HDX: variants seen among roughly 807,000 people sequenced by gnomAD.
HDX encodes the protein chromosome X open reading frame 43.
Under a neutral mutation model 45.2 loss-of-function variants are expected in HDX, and 19 were observed. The observed-to-expected ratio is 0.42, with a 90% CI of 0.29 to 0.62. HDX has a LOEUF of 0.62. Ranked by LOEUF, HDX falls within the 20% of genes least tolerant of loss-of-function variation. The pLI, the probability that HDX is intolerant of heterozygous loss-of-function variation, is 0.20. For missense variants in HDX, 532 were observed against 493.9 expected (o/e 1.08, Z -0.73); for synonymous variants, 188 against 172.8 (o/e 1.09, Z -0.69).
At chrX:84,399,911 C>T (rs1029645195) in intron 5 of HDX, among the ~76,000 whole-genome samples, 1 of 111,487 alleles carries the variant, frequency 9.0e-6, no homozygotes, top group Admixed American at 9.6e-5. Flanking sequence ...GTTCAACATA[C>T]ACAAATCAAT....
chrX:84,420,851 G>A (rs974105997), intron 5 of HDX, among the ~76,000 whole-genome samples: 4 of 111,442 alleles, frequency 3.6e-5, no homozygotes, highest in Non-Finnish European at 5.7e-5. Flanking sequence ...TACCTACAGC[G>A]CTGAAGGAAA....
intron 5 of HDX, among the ~76,000 whole-genome samples, chrX:84,415,647 G>GTTTT (rs2039086177): frequency 8.9e-6 from 1 of 111,946 alleles, no homozygotes; most frequent in African/African-American, 3.2e-5. Flanking sequence ...GTTTTGTTTT[G>GTTTT]TTTTGTTTTT....
At chrX:84,400,236 G>C (rs758494638) in intron 5 of HDX, among the ~76,000 whole-genome samples, 2 of 109,496 alleles carry the variant, frequency 1.8e-5, no homozygotes, top group East Asian at 5.8e-4. Flanking sequence ...AAAAATAAAG[G>C]GCATTCAAAT....
At chrX:84,438,699 C>T (rs2039692601) in intron 5 of HDX, among the ~76,000 whole-genome samples, 1 of 111,126 alleles carries the variant, frequency 9.0e-6, no homozygotes, top group Non-Finnish European at 1.9e-5. Context: ...CCAGCTGCAT[C>T]TATGTTGCTG....
chrX:84,453,730 A>G (rs938971887), intron 4 of HDX, among the ~76,000 whole-genome samples: 3 of 111,931 alleles, frequency 2.7e-5, no homozygotes, highest in Non-Finnish European at 3.8e-5. Context: ...ACCTAGTGAG[A>G]CAACAGCCAG....
At chrX:84,346,903 G>C (rs2037219047) in intron 6 of HDX, among the ~76,000 whole-genome samples, 1 of 110,895 alleles carries the variant, frequency 9.0e-6, no homozygotes, top group Non-Finnish European at 1.9e-5. Context: ...GATTGGAATT[G>C]AATTGAATCT....
At chrX:84,490,920 G>T (rs2040882001) in intron 1 of HDX, among the ~76,000 whole-genome samples, 1 of 109,972 alleles carries the variant, frequency 9.1e-6, no homozygotes, top group Admixed American at 9.7e-5. Context: ...TGTCATATTT[G>T]TTCTCCTATA....
chrX:84,364,648 G>T lies in HDX; in HGVS notation c.1306-3036C>A, dbSNP rs1210357600. Reference sequence around the variant, plus strand: ...CTCCCGAGTAGCCAGGACTACAGGCGCCCGCCTCCACGCCCAGCTAATTTT... The same window carrying T: ...CTCCCGAGTAGCCAGGACTACAGGCTCCCGCCTCCACGCCCAGCTAATTTT... On this transcript the variant is annotated intron_variant, in intron 5 of 10. Transcript: ENST00000373177. Among the ~76,000 whole-genome samples, 3 of 107,547 alleles carry T rather than the reference G, an allele frequency of 2.8e-5. No homozygotes were observed. In the South Asian group the frequency reaches 1.3e-3, roughly 46 times the overall value. The allele number at this position is 107,547 out of a possible 115,157, so 93.4% of individuals were successfully genotyped here.
rs3072241 is a variant in HDX at position 84,342,519 on chromosome X, A to ATGTG, written c.1660+1727_1660+1730dup. 7.0e-3 allele frequency among the ~76,000 whole-genome samples: 711 copies of ATGTG among 102,131 alleles called. 7 individuals carry two copies. Among genetic ancestry groups the ATGTG allele is most frequent in the African/African-American group, 0.019 (543 of 28,116 alleles). The allele number at this position is 102,131 out of a possible 115,157, so 88.7% of individuals were successfully genotyped here. A position where few individuals can be genotyped will look rare whatever the true frequency, so the allele number is the denominator to read the frequency against. On this transcript the variant is annotated intron_variant, in intron 7 of 10. Coordinates refer to ENST00000373177, the MANE Select transcript of HDX (RefSeq NM_001177479.2). ...TCTGCATGTGTGTATATGTGTGTGCATGTGTGTGTGTGTGTGTGTGAGAGA... is the reference window on the plus strand; with the variant it reads ...TCTGCATGTGTGTATATGTGTGTGCATGTGTGTGTGTGTGTGTGTGTGTGAGAGA...
At chrX:84,419,248 AG>A (rs1297106141) in intron 5 of HDX, among the ~76,000 whole-genome samples, 1 of 110,680 alleles carries the variant, frequency 9.0e-6, no homozygotes, top group Non-Finnish European at 1.9e-5. Context: ...CCATGATTCC[AG>A]AACTGGACAC....
intron 5 of HDX, among the ~76,000 whole-genome samples, chrX:84,366,564 G>T (rs901589036): frequency 9.0e-6 from 1 of 111,438 alleles, no homozygotes; most frequent in South Asian, 3.8e-4. Context: ...GGGGCATCAC[G>T]CTACCTGACT....
intron 5 of HDX, among the ~76,000 whole-genome samples, chrX:84,378,525 A>T (rs1403259058): frequency 2.7e-5 from 3 of 111,816 alleles, no homozygotes; most frequent in African/African-American, 9.7e-5. Flanking sequence ...TAAGGTGTAG[A>T]ATATATATTA....
intron 5 of HDX, among the ~76,000 whole-genome samples, chrX:84,381,222 C>A (rs1405033344): frequency 9.0e-6 from 1 of 111,118 alleles, no homozygotes; most frequent in Non-Finnish European, 1.9e-5. Flanking sequence ...AATGGAGAAG[C>A]ATTCCATGTT....
chrX:84,417,803 C>T (rs2039150135), intron 5 of HDX, among the ~76,000 whole-genome samples: 1 of 111,956 alleles, frequency 8.9e-6, no homozygotes, highest in Non-Finnish European at 1.9e-5. Flanking sequence ...ATGAAACTGG[C>T]ATAGTCTGGA....
At chrX:84,464,598 G>T (rs2040306054) in intron 4 of HDX, among the ~76,000 whole-genome samples, 1 of 111,718 alleles carries the variant, frequency 9.0e-6, no homozygotes. Flanking sequence ...TTTAATAAAT[G>T]GTGTTGGGAA....
chrX:84,415,937 T>C (rs148874752), intron 5 of HDX, among the ~76,000 whole-genome samples: 4,935 of 112,152 alleles, frequency 0.044, 264 homozygotes, highest in African/African-American at 0.15. Context: ...TGTTCATAAC[T>C]AGGCCACAAT....
intron 2 of HDX, among the ~76,000 whole-genome samples, chrX:84,482,887 G>A (rs918290259): frequency 1.8e-5 from 2 of 112,072 alleles, no homozygotes; most frequent in African/African-American, 6.5e-5. Context: ...CAATGGGAGT[G>A]CAGGCATTGG....
At chrX:84,454,582 C>T (rs890222699) in intron 4 of HDX, among the ~76,000 whole-genome samples, 1 of 110,823 alleles carries the variant, frequency 9.0e-6, no homozygotes, top group African/African-American at 3.3e-5. Context: ...AACTAGATTC[C>T]TAGGTTTTCC....
chrX:84,479,487 G>C (rs753927440), intron 2 of HDX, among the ~76,000 whole-genome samples: 5 of 112,012 alleles, frequency 4.5e-5, no homozygotes, highest in African/African-American at 1.3e-4. Flanking sequence ...TAAGTTCTTG[G>C]CTGTTATGAA....
Sources: gnomAD v4.1 joint callset for allele counts (sites outside exome capture counted in the v4.1 genomes callset) on GRCh38, gnomAD v4.1.1 for gene constraint, MANE v1.5 for transcripts, NCBI Gene and HGNC (gene_info 2026-07-23, HGNC 2026-07-21) for gene names.